CTDSPL: variants seen among roughly 807,000 people sequenced by gnomAD.
The protein encoded by CTDSPL is CTD small phosphatase like, also known as CTD small phosphatase-like protein.
CTDSPL carries 8 observed loss-of-function variants against 30.5 expected under a neutral mutation model. The ratio of observed to expected loss-of-function variants is 0.26; its 90% CI spans 0.15 to 0.47. CTDSPL has a LOEUF of 0.47. Among genes scored for constraint, CTDSPL ranks in the 20% least tolerant of loss-of-function variants. The pLI is 0.99. For synonymous variants in CTDSPL, 110 were observed against 137.9 expected, an observed-to-expected ratio of 0.80 and a Z score of 1.42; for missense variants, 248 against 366.1, an observed-to-expected ratio of 0.68 and a Z score of 2.63.
Position 37,882,106 on chromosome 3 carries a change from G to A in CTDSPL, c.79+19828G>A, listed in dbSNP as rs1698212179. 2.6e-5 allele frequency among the ~76,000 whole-genome samples: 4 copies of A among 152,226 alleles called. 1 individual carries two copies. The South Asian group carries it at 8.3e-4, about 32-fold the overall frequency. On this transcript the variant is annotated intron_variant, in intron 1 of 7. Transcript: ENST00000273179. Reference sequence around the variant, plus strand: ...GTGGATCACCTGAGGTCAGGAGTTTGAGACCAGCCTGGCCAACATGGTGAA... The same window carrying A: ...GTGGATCACCTGAGGTCAGGAGTTTAAGACCAGCCTGGCCAACATGGTGAA...
intron 1 of CTDSPL, among the ~76,000 whole-genome samples, chr3:37,883,425 A>G (rs62239964): frequency 6.6e-6 from 1 of 152,208 alleles, no homozygotes; most frequent in Non-Finnish European, 1.5e-5. Flanking sequence ...GACAAATATT[A>G]CATCTTAATT....
chr3:37,883,089 A>G (rs181439853), intron 1 of CTDSPL, among the ~76,000 whole-genome samples: 1 of 152,394 alleles, frequency 6.6e-6, no homozygotes, highest in African/African-American at 2.4e-5. Flanking sequence ...GGGAATAAAG[A>G]AACTGAATGT....
At chr3:37,891,232 C>CTG (rs1698321696) in intron 1 of CTDSPL, among the ~76,000 whole-genome samples, 1 of 152,164 alleles carries the variant, frequency 6.6e-6, no homozygotes. Context: ...CACCGCTGAC[C>CTG]TACAGTACCT....
At chr3:37,935,784 CAG>C (rs1396789412) in intron 1 of CTDSPL, among the ~76,000 whole-genome samples, 1 of 152,082 alleles carries the variant, frequency 6.6e-6, no homozygotes, top group Non-Finnish European at 1.5e-5. Context: ...GCCTCAGATT[CAG>C]AGTTTCTCTA....
chr3:37,867,638 TA>T (rs1343726474), intron 1 of CTDSPL, among the ~76,000 whole-genome samples: 11 of 152,226 alleles, frequency 7.2e-5, no homozygotes, highest in African/African-American at 2.7e-4. Flanking sequence ...TCACTGTTTT[TA>T]AAAATTTTTA....
At chr3:37,952,471 ATT>A (rs1261931460) in intron 2 of CTDSPL, among the ~76,000 whole-genome samples, 1 of 152,178 alleles carries the variant, frequency 6.6e-6, no homozygotes, top group Non-Finnish European at 1.5e-5. Context: ...TTGTTTCCAC[ATT>A]TAAAGGAAGA....
chr3:37,888,385 G>A (rs1174586025), intron 1 of CTDSPL, among the ~76,000 whole-genome samples: 1 of 152,168 alleles, frequency 6.6e-6, no homozygotes, highest in Non-Finnish European at 1.5e-5. Context: ...TTAGAGTGTT[G>A]CCAAAGCATC....
At chr3:37,926,385 C>T (rs991651724) in intron 1 of CTDSPL, among the ~76,000 whole-genome samples, 2 of 152,164 alleles carry the variant, frequency 1.3e-5, no homozygotes, top group African/African-American at 4.8e-5. Flanking sequence ...CTGCCCCAAC[C>T]ATGGGCCATG....
chr3:37,939,826 G>A (rs897171643), intron 1 of CTDSPL, among the ~76,000 whole-genome samples: 1 of 150,448 alleles, frequency 6.6e-6, no homozygotes. Flanking sequence ...GGGCACGGTG[G>A]TTCACGCCTA....
intron 3 of CTDSPL, among the ~76,000 whole-genome samples, chr3:37,962,900 C>G (rs1223363876): frequency 6.6e-6 from 1 of 152,210 alleles, no homozygotes; most frequent in Non-Finnish European, 1.5e-5. Flanking sequence ...GCTTTCTGCT[C>G]TGTCCCAGAC....
intron 1 of CTDSPL, among the ~76,000 whole-genome samples, chr3:37,945,411 C>G (rs1699024178): frequency 7.5e-6 from 1 of 133,460 alleles, no homozygotes; most frequent in African/African-American, 2.5e-5. Context: ...TGTATTTTCT[C>G]AATAGTTGTA....
At position 37,983,716 on chromosome 3, in the gene CTDSPL, C is replaced by G. The variant is rs1699519899; in HGVS notation, c.*2849C>G. 1 of 155,346 alleles carries G rather than the reference C, an allele frequency of 6.4e-6. No homozygotes were observed. The highest frequency in any genetic ancestry group is 1.4e-5 in the Non-Finnish European group (1 of 69,764). The allele number at this position is 155,346 out of a possible 1,614,324, so 9.6% of individuals were successfully genotyped here. A position where few individuals can be genotyped will look rare whatever the true frequency, so the allele number is the denominator to read the frequency against. On this transcript the variant is annotated 3_prime_UTR_variant, in exon 8 of 8. Transcript: ENST00000273179. ...CAGGCCTCCAGTGGAAGTGCACAGG[C>G]ACTCCCAATGTTGTTAATGCTCTGT...
intron 3 of CTDSPL, among the ~76,000 whole-genome samples, chr3:37,961,313 G>A (rs952657601): frequency 1.3e-5 from 2 of 152,124 alleles, no homozygotes; most frequent in Non-Finnish European, 2.9e-5. Flanking sequence ...GGTGAACGTC[G>A]GGTATTGAAG....
intron 7 of CTDSPL, among the ~76,000 whole-genome samples, chr3:37,976,697 A>T (rs1484890456): frequency 6.6e-6 from 1 of 152,038 alleles, no homozygotes; most frequent in Non-Finnish European, 1.5e-5. Context: ...AAGCTTTGCT[A>T]CCTCATCATG....
At chr3:37,900,302 G>T (rs1036500435) in intron 1 of CTDSPL, among the ~76,000 whole-genome samples, 2 of 152,038 alleles carry the variant, frequency 1.3e-5, no homozygotes, top group African/African-American at 4.8e-5. Flanking sequence ...TTAGGCTGAG[G>T]GAATATCTAA....
chr3:37,947,341 C>CT (rs1196781517), intron 2 of CTDSPL, 130 bp downstream of exon 2: 1 of 1,065,624 alleles, frequency 9.4e-7, no homozygotes, highest in Non-Finnish European at 1.3e-6. Flanking sequence ...AATATCAGCA[C>CT]TGAGGTCAGG....
At chr3:37,978,250 A>C (rs1239757279) in intron 7 of CTDSPL, among the ~76,000 whole-genome samples, 2 of 152,106 alleles carry the variant, frequency 1.3e-5, no homozygotes, top group African/African-American at 4.8e-5. Flanking sequence ...GTTTCAGTCC[A>C]TTTATTATTC....
chr3:37,975,696 A>T lies in CTDSPL; in HGVS notation c.520-13A>T. 6.3e-7 allele frequency: 1 copy of T among 1,590,938 alleles called. No homozygotes were observed. ...TTAAACACCCAGCCTTCATTGTGAC[A>T]CGTCTTTTCCAGTATGCAGACCCTG... On this transcript the variant is annotated splice_polypyrimidine_tract_variant and intron_variant, in intron 6 of 7. Transcript: ENST00000273179. This position sits in a 1 kb window ranked among gnomAD's most constrained non-coding sequence, Gnocchi z 4.9.
intron 7 of CTDSPL, among the ~76,000 whole-genome samples, chr3:37,977,350 C>A (rs1488645806): frequency 6.6e-6 from 1 of 152,146 alleles, no homozygotes; most frequent in Non-Finnish European, 1.5e-5. Context: ...GCTTTGGTTA[C>A]TATGTCTCTT....
Sources: gnomAD v4.1 joint callset for allele counts (sites outside exome capture counted in the v4.1 genomes callset) on GRCh38, gnomAD v4.1.1 for gene constraint, Gnocchi (gnomAD v3.1) non-coding constraint, MANE v1.5 for transcripts, NCBI Gene and HGNC (gene_info 2026-07-23, HGNC 2026-07-21) for gene names.